Variants in IP6K1 observed in about 807,000 individuals in gnomAD.
IP6K1 encodes ATP:1D-myo-inositol-hexakisphosphate phosphotransferase.
Under a neutral mutation model 38.3 loss-of-function variants are expected in IP6K1, and 13 were observed. The ratio of observed to expected loss-of-function variants is 0.34; its 90% CI spans 0.22 to 0.54. IP6K1 has a LOEUF of 0.54. Among genes scored for constraint, IP6K1 ranks in the 20% least tolerant of loss-of-function variants. The probability of loss-of-function intolerance (pLI) is 0.92; values close to 1 mark genes in which losing one functional copy is unlikely to be tolerated. For synonymous variants in IP6K1, 212 were observed against 229.9 expected (o/e 0.92, Z 0.70); for missense variants, 397 against 599.8 (o/e 0.66, Z 3.53).
rs1010287986 is a variant in IP6K1 at position 49,755,097 on chromosome 3, T to G, written c.-128-6929A>C. ...ACAGGTGTGTGCCACCAAGCCTGGCTTTTTTTTTTTTTTTTTTTTTGTAGA... is the reference window on the plus strand; with the variant it reads ...ACAGGTGTGTGCCACCAAGCCTGGCGTTTTTTTTTTTTTTTTTTTTGTAGA... On this transcript the variant is annotated intron_variant, in intron 1 of 5. Coordinates refer to ENST00000321599, the MANE Select transcript of IP6K1 (RefSeq NM_153273.4). 1.2e-4 allele frequency among the ~76,000 whole-genome samples: 12 copies of G among 103,744 alleles called. No individual in the cohort carries two copies. The East Asian group carries it at 2.6e-3, about 22-fold the overall frequency. The allele number at this position is 103,744 out of a possible 152,430, so 68.1% of individuals were successfully genotyped here. A position where few individuals can be genotyped will look rare whatever the true frequency, so the allele number is the denominator to read the frequency against.
At chr3:49,755,378 T>C (rs2080813059) in intron 1 of IP6K1, among the ~76,000 whole-genome samples, 1 of 152,292 alleles carries the variant, frequency 6.6e-6, no homozygotes, top group Admixed American at 6.5e-5. Flanking sequence ...TAAAATTAAA[T>C]ATATCCACTT....
At position 49,729,077 on chromosome 3, in the gene IP6K1, A is replaced by G. The variant is rs182551007; in HGVS notation, c.617-799T>C. On this transcript the variant is annotated intron_variant, in intron 4 of 5. Coordinates refer to ENST00000321599, the MANE Select transcript of IP6K1 (RefSeq NM_153273.4). The stretch of plus-strand genomic sequence containing the variant: ...TCAAGCCATTTTCCTGCTTGTACCC[A>G]TTAAATAGCACTGAACAGTGACTCC... Among the ~76,000 whole-genome samples the G allele has an allele frequency of 2.6e-5, 4 of 151,462 alleles. No individual in the cohort carries two copies. In the East Asian group the frequency reaches 7.8e-4, roughly 30 times the overall value.
chr3:49,779,240 G>T (rs1391764978), intron 1 of IP6K1, among the ~76,000 whole-genome samples: 2 of 152,104 alleles, frequency 1.3e-5, no homozygotes, highest in African/African-American at 4.8e-5. Flanking sequence ...GTGAACTTTT[G>T]TATCTGACTT....
intron 4 of IP6K1, 43 bp from the exon 5 acceptor site, chr3:49,728,321 G>GC: frequency 6.3e-7 from 1 of 1,591,120 alleles, no homozygotes; most frequent in Non-Finnish European, 8.6e-7. Context: ...CTCACCATCA[G>GC]CCCCAGCCAG....
intron 4 of IP6K1, 143 bp downstream of exon 4, chr3:49,732,648 A>G (rs544325477): frequency 1.6e-6 from 1 of 609,420 alleles, no homozygotes; most frequent in East Asian, 2.9e-5. Flanking sequence ...ATGAAAGTAA[A>G]CGAAGGAAGA....
rs2081114849 is a variant in IP6K1, at chr3:49,786,521, G to A, written c.-296C>T. The stretch of plus-strand genomic sequence containing the variant: ...CTCCCGGCGCTGCCCACTGGGTACG[G>A]ATCAACAACAAGATGGCGGCTAGCC... On this transcript the variant is annotated 5_prime_UTR_variant, in exon 1 of 6. Transcript: ENST00000321599. 6.5e-6 allele frequency: 1 copy of A among 152,718 alleles called. No individual in the cohort carries two copies. Among genetic ancestry groups the A allele is most frequent in the African/African-American group, 2.4e-5 (1 of 41,482 alleles). 9.5% of individuals were successfully genotyped at this position (152,718 alleles called of 1,614,324 possible).
intron 4 of IP6K1, among the ~76,000 whole-genome samples, chr3:49,729,677 G>A: frequency 6.6e-6 from 1 of 151,256 alleles, no homozygotes; most frequent in Non-Finnish European, 1.5e-5. Flanking sequence ...CAAAGTGCTG[G>A]GATTACAGGC....
intron 4 of IP6K1, among the ~76,000 whole-genome samples, chr3:49,728,752 T>C (rs912027262): frequency 1.3e-5 from 2 of 152,038 alleles, no homozygotes; most frequent in African/African-American, 4.8e-5. Context: ...ATTTTTTGTA[T>C]TTTTAGTAGA....
At chr3:49,750,476 C>T (rs750207198) in intron 1 of IP6K1, among the ~76,000 whole-genome samples, 1 of 152,096 alleles carries the variant, frequency 6.6e-6, no homozygotes, top group Admixed American at 6.6e-5. Flanking sequence ...GGACGGATCA[C>T]CTGAGGTCAG....
rs1206787854 is a variant in IP6K1, at chr3:49,727,557, C to G, written c.891G>C (p.Leu297=). Residue 297 remains leucine (L), a synonymous_variant, in exon 6 of 6, where the codon CTG becomes CTC. Coordinates refer to ENST00000321599, the MANE Select transcript of IP6K1 (RefSeq NM_153273.4). The surrounding 1 kb of genome is among the most constrained non-coding windows in gnomAD (Gnocchi z 5.9). The part of the protein sequence containing the change: ...EGFRNALYQY[L]HNGLDLRRDL... Reference sequence around the variant, plus strand: ...CACGTCGCAGGTCCAGGCCATTGTGCAGATATTGATAGAGGGCATTGCGGA... The same window carrying G: ...CACGTCGCAGGTCCAGGCCATTGTGGAGATATTGATAGAGGGCATTGCGGA... The G allele has an allele frequency of 6.2e-7, 1 of 1,614,048 alleles. No individual in the cohort carries two copies. The highest frequency in any genetic ancestry group is 2.2e-5 in the East Asian group (1 of 44,896).
chr3:49,739,999 C>CA (rs1387563486), intron 2 of IP6K1, among the ~76,000 whole-genome samples: 1 of 151,522 alleles, frequency 6.6e-6, no homozygotes, highest in Admixed American at 6.6e-5. Context: ...CACTCCATCT[C>CA]AAAAAAATAA....
At chr3:49,748,288 C>G in intron 1 of IP6K1, 120 bp from the exon 2 acceptor site, 1 of 529,068 alleles carries the variant, frequency 1.9e-6, no homozygotes, top group East Asian at 3.3e-5. Context: ...ATCCCTAGCA[C>G]GTACAATACT....
chr3:49,740,456 T>G (rs1434304782), intron 2 of IP6K1, among the ~76,000 whole-genome samples: 1 of 152,172 alleles, frequency 6.6e-6, no homozygotes, highest in Non-Finnish European at 1.5e-5. Context: ...ATTTCCAAAA[T>G]GTTTTTCATC....
chr3:49,731,567 TC>T (rs1374694274), intron 4 of IP6K1, among the ~76,000 whole-genome samples: 1 of 152,174 alleles, frequency 6.6e-6, no homozygotes, highest in Admixed American at 6.5e-5. Context: ...CCCCTGTGCT[TC>T]CACTTCCTCA....
At chr3:49,734,680 T>C (rs1436810861) in intron 3 of IP6K1, among the ~76,000 whole-genome samples, 1 of 152,180 alleles carries the variant, frequency 6.6e-6, no homozygotes, top group Non-Finnish European at 1.5e-5. Context: ...CCTTACTTTC[T>C]TCTGTGAGAG....
intron 1 of IP6K1, among the ~76,000 whole-genome samples, chr3:49,754,590 A>G (rs9872864): frequency 0.51 from 77,947 of 152,000 alleles, 21,153 homozygotes; most frequent in East Asian, 0.83. Flanking sequence ...AGGAGAAATC[A>G]TATGAGTTTT....
In IP6K1 at chr3:49,727,576, T is replaced by A. The variant is rs117326328; in HGVS notation, c.872A>T (p.Asn291Ile). ...GRGLSIEGFR[N>I]ALYQYLHNGL... ...ATTGTGCAGATATTGATAGAGGGCA[T>A]TGCGGAAGCCTTCAATGGAGAGCCC... Residue 291 changes from asparagine (N) to isoleucine (I), a missense_variant, in exon 6 of 6, where the codon AAT (asparagine) becomes ATT (isoleucine). Physicochemically the swap from Asn to Ile is moderately radical, Grantham distance 149 (BLOSUM62 -3). Transcript: ENST00000321599. The surrounding 1 kb of genome is among the most constrained non-coding windows in gnomAD (Gnocchi z 5.9). 5.0e-6 allele frequency: 8 copies of A among 1,614,062 alleles called. No individual in the cohort carries two copies. The Admixed American group carries it at 5.0e-5, about 10-fold the overall frequency.
intron 3 of IP6K1, among the ~76,000 whole-genome samples, chr3:49,734,567 A>AG (rs200760231): frequency 1.3e-5 from 2 of 151,450 alleles, no homozygotes; most frequent in South Asian, 2.1e-4. Flanking sequence ...AACCCTCTCC[A>AG]AGGGTCAGCT....
chr3:49,740,669 G>A (rs1575308935), intron 2 of IP6K1, among the ~76,000 whole-genome samples: 2 of 152,192 alleles, frequency 1.3e-5, no homozygotes, highest in African/African-American at 4.8e-5. Context: ...CTGTGTCACA[G>A]CATATATCAG....
Sources: allele counts gnomAD v4.1 joint callset (sites outside exome capture counted in the v4.1 genomes callset), GRCh38; gene constraint gnomAD v4.1.1; non-coding constraint Gnocchi (gnomAD v3.1); transcripts MANE v1.5; gene names NCBI Gene and HGNC (gene_info 2026-07-23, HGNC 2026-07-21).